Variants in CCNJL observed in about 807,000 individuals in gnomAD.
The protein encoded by CCNJL is cyclin-J-like protein.
In CCNJL, 33 loss-of-function variants were observed where a neutral mutation model predicts 33.4. That is an observed-to-expected ratio of 0.99 (90% confidence interval 0.75 to 1.32). CCNJL has a LOEUF of 1.32. Among genes scored for constraint, CCNJL ranks in the 40% most tolerant of loss-of-function variants. The pLI is 0.00. For synonymous variants in CCNJL, 227 were observed against 220.9 expected (o/e 1.03, Z -0.24); for missense variants, 512 against 499.7 (o/e 1.02, Z -0.23).
intron 2 of CCNJL, among the ~76,000 whole-genome samples, chr5:160,291,629 G>A (rs1323101037): frequency 1.3e-5 from 2 of 152,188 alleles, no homozygotes; most frequent in Non-Finnish European, 2.9e-5. Flanking sequence ...TCCACAAGGC[G>A]AGACTTGCAA....
chr5:160,259,515 C>A lies in CCNJL; in HGVS notation c.537G>T (p.Glu179Asp). 6.2e-7 allele frequency: 1 copy of A among 1,614,146 alleles called. No individual in the cohort carries two copies. Among genetic ancestry groups the A allele is most frequent in the Non-Finnish European group, 8.5e-7 (1 of 1,180,014 alleles). ...AGTAATGGGCATACTCCTTGAGGCA[C>A]TCTTTGGTCTTGCGGGGGCAGGTGG... is the stretch of plus-strand genomic sequence containing the variant. ...WPTTCPRKTK[E>D]CLKEYAHYFL... The change falls in exon 4 of 6, where the codon GAG (glutamate) becomes GAT (aspartate). Residue 179 changes from glutamate to aspartate, a missense_variant. Physicochemically the swap from Glu to Asp is conservative, Grantham distance 45. Coordinates refer to ENST00000257536, the MANE Select transcript of CCNJL (RefSeq NM_001308173.3).
At chr5:160,283,738 AC>A (rs1484769621) in intron 2 of CCNJL, among the ~76,000 whole-genome samples, 1 of 152,066 alleles carries the variant, frequency 6.6e-6, no homozygotes, top group Non-Finnish European at 1.5e-5. Flanking sequence ...TATTTTTTGT[AC>A]CCATTAACCA....
intron 2 of CCNJL, among the ~76,000 whole-genome samples, chr5:160,308,902 G>C (rs1395866756): frequency 6.6e-6 from 1 of 152,234 alleles, no homozygotes; most frequent in Non-Finnish European, 1.5e-5. Context: ...GTGAGAGTCT[G>C]AGAAACACAG....
intron 2 of CCNJL, among the ~76,000 whole-genome samples, chr5:160,310,517 G>T (rs1403991983): frequency 1.3e-5 from 2 of 152,142 alleles, no homozygotes; most frequent in Non-Finnish European, 2.9e-5. Context: ...CAGACACTCG[G>T]AGCAAATGCA....
Position 160,325,387 on chromosome 5 carries a change from T to C in CCNJL, n.207-9882A>G, listed in dbSNP as rs1469663926. Among the ~76,000 whole-genome samples the C allele has an allele frequency of 4.6e-5, 7 of 152,270 alleles. 1 individual carries two copies. The South Asian group carries it at 1.4e-3, about 32-fold the overall frequency. On this transcript the variant is annotated intron_variant and non_coding_transcript_variant, in intron 1 of 7. Coordinates refer to the CCNJL transcript ENST00000377503. Reference sequence around the variant, plus strand: ...TTCCTGCTTGCCCAATCTTATCGCCTGTTGCTCCCTGTCAAAATGAATATT... The same window carrying C: ...TTCCTGCTTGCCCAATCTTATCGCCCGTTGCTCCCTGTCAAAATGAATATT...
intron 4 of CCNJL, among the ~76,000 whole-genome samples, chr5:160,257,474 CAAAAAATAAAAAT>C: frequency 6.6e-6 from 1 of 151,390 alleles, no homozygotes; most frequent in South Asian, 2.1e-4. Flanking sequence ...GCCTCCGTCT[CAAAAAATAAAAAT>C]AAAAAATAAA....
intron 1 of CCNJL, among the ~76,000 whole-genome samples, chr5:160,333,379 C>T (rs777127915): frequency 2.6e-5 from 4 of 152,024 alleles, no homozygotes; most frequent in Admixed American, 6.6e-5. Context: ...CCACTTCAGC[C>T]TCCCAAAGTG....
chr5:160,335,584 C>CT (rs34660466), intron 1 of CCNJL, among the ~76,000 whole-genome samples: 2 of 151,606 alleles, frequency 1.3e-5, no homozygotes, highest in Admixed American at 1.3e-4. Flanking sequence ...CTTTCTTTCT[C>CT]TTTTTTTTGA....
intron 2 of CCNJL, among the ~76,000 whole-genome samples, chr5:160,302,455 A>G (rs995365003): frequency 2.2e-4 from 34 of 152,230 alleles, no homozygotes; most frequent in African/African-American, 8.2e-4. Flanking sequence ...TTAGCGAAAT[A>G]TATCAAAAAT....
intron 4 of CCNJL, among the ~76,000 whole-genome samples, chr5:160,256,782 G>A (rs1385479577): frequency 1.3e-5 from 2 of 152,040 alleles, no homozygotes; most frequent in Non-Finnish European, 2.9e-5. Flanking sequence ...GCCACGCGTG[G>A]TGGTGGGCGC....
chr5:160,329,954 C>T (rs1581023439), intron 1 of CCNJL, among the ~76,000 whole-genome samples: 1 of 152,202 alleles, frequency 6.6e-6, no homozygotes, highest in East Asian at 1.9e-4. Context: ...CTCTTTGCTC[C>T]TGGCAAGACC....
At chr5:160,321,008 C>CTTTCTTTCTT (rs1763447861) in intron 1 of CCNJL, among the ~76,000 whole-genome samples, 1 of 100,114 alleles carries the variant, frequency 1.0e-5, no homozygotes, top group Non-Finnish European at 1.8e-5. Context: ...CTCTCTCTCT[C>CTTTCTTTCTT]TCTCTCTTTC....
intron 3 of CCNJL, among the ~76,000 whole-genome samples, chr5:160,273,642 C>T (rs1397496049): frequency 2.0e-5 from 2 of 97,742 alleles, no homozygotes; most frequent in South Asian, 3.6e-4. Context: ...AGTGCCGCCA[C>T]TTTTTTTTTT....
intron 1 of CCNJL, among the ~76,000 whole-genome samples, chr5:160,328,970 C>G (rs577965640): frequency 1.3e-4 from 20 of 152,212 alleles, no homozygotes; most frequent in Non-Finnish European, 2.2e-4. Context: ...TCCAAGGTTA[C>G]CCAGGGCAGA....
chr5:160,280,497 G>A (rs754309994), intron 3 of CCNJL, 28 bp downstream of exon 3: 13 of 1,583,134 alleles, frequency 8.2e-6, no homozygotes, highest in South Asian at 4.4e-5. Context: ...CCGCACAAGC[G>A]CGGAGGAAGA....
At chr5:160,320,455 C>T (rs369261402) in intron 1 of CCNJL, among the ~76,000 whole-genome samples, 1 of 152,170 alleles carries the variant, frequency 6.6e-6, no homozygotes, top group African/African-American at 2.4e-5. Flanking sequence ...CTAACTTCCC[C>T]CACTCCCCAA....
intron 1 of CCNJL, among the ~76,000 whole-genome samples, chr5:160,333,748 G>C (rs1366230323): frequency 6.6e-6 from 1 of 151,974 alleles, no homozygotes; most frequent in Non-Finnish European, 1.5e-5. Flanking sequence ...CCACACCCAA[G>C]CCACTCTCCT....
chr5:160,255,653 G>A lies in CCNJL; in HGVS notation c.639C>T (p.Ala213=), dbSNP rs1396832003. The change falls in exon 5 of 6, where the codon GCC becomes GCT. Residue 213 remains alanine, a synonymous_variant. Transcript: ENST00000257536. The part of the protein sequence containing the change: ...PSVVAAACVG[A]SRICLQLSPY... ...GAGAAAGCTGCAGGCAAATCCTGGAGGCCCCAACACAGGCCGCAGCGACCA... is the reference window on the plus strand; with the variant it reads ...GAGAAAGCTGCAGGCAAATCCTGGAAGCCCCAACACAGGCCGCAGCGACCA... The A allele has an allele frequency of 3.1e-5, 50 of 1,613,980 alleles. No individual in the cohort carries two copies. Among genetic ancestry groups the A allele is most frequent in the Non-Finnish European group, 4.2e-5 (49 of 1,180,018 alleles).
intron 1 of CCNJL, among the ~76,000 whole-genome samples, chr5:160,336,509 C>T (rs1763685549): frequency 1.3e-5 from 2 of 152,182 alleles, no homozygotes; most frequent in South Asian, 2.1e-4. Context: ...TCAGAGTAAG[C>T]GCGGCCCTGC....
Sources: gnomAD v4.1 joint callset for allele counts (sites outside exome capture counted in the v4.1 genomes callset) on GRCh38, gnomAD v4.1.1 for gene constraint, MANE v1.5 for transcripts, NCBI Gene and HGNC (gene_info 2026-07-23, HGNC 2026-07-21) for gene names.